PDE6B: variants seen among roughly 807,000 people sequenced by gnomAD.
PDE6B encodes the protein rod cGMP-specific 3',5'-cyclic phosphodiesterase subunit beta.
Under a neutral mutation model 109.0 loss-of-function variants are expected in PDE6B, and 106 were observed. That is an observed-to-expected ratio of 0.97 (90% CI 0.83 to 1.14). The LOEUF (loss-of-function observed/expected upper bound fraction) is 1.14, where lower values mean the gene tolerates loss of function less well. Ranked by LOEUF, PDE6B falls within the 50% of genes most tolerant of loss-of-function variation. The probability of loss-of-function intolerance (pLI) is 0.00; values close to 1 mark genes in which losing one functional copy is unlikely to be tolerated. For synonymous variants in PDE6B, 490 were observed against 471.3 expected (o/e 1.04, Z -0.51); for missense variants, 1,193 against 1,155.6 (o/e 1.03, Z -0.47).
intron 1 of PDE6B, among the ~76,000 whole-genome samples, chr4:631,099 C>G (rs1244409423): frequency 6.6e-6 from 1 of 152,190 alleles, no homozygotes; most frequent in Non-Finnish European, 1.5e-5. Flanking sequence ...TTTACAGAGT[C>G]CTGAGTGCGC....
At chr4:670,024 C>T (rs2109297069) in intron 21 of PDE6B, 22 bp from the exon 22 acceptor site, 1 of 1,607,834 alleles carries the variant, frequency 6.2e-7, no homozygotes, top group African/African-American at 1.3e-5. Flanking sequence ...TTCCACTCAC[C>T]ATCTTCTGTC....
Position 659,592 on chromosome 4 carries a change from GGTAT to G in PDE6B, c.1467+578_1467+581del, listed in dbSNP as rs775890110. On this transcript the variant is annotated intron_variant, in intron 11 of 21. Transcript: ENST00000496514. ...ATGTGGGTGTGTGTGTGCACATGTG[GGTAT>G]GTGTGTGCGTGTGTGCATTGTATGA... 4.7e-5 allele frequency among the ~76,000 whole-genome samples: 7 copies of G among 149,524 alleles called. No individual in the cohort carries two copies. The Middle Eastern group carries it at 0.01, about 218-fold the overall frequency.
intron 3 of PDE6B, among the ~76,000 whole-genome samples, chr4:645,290 A>AT (rs530937075): frequency 0.033 from 3,872 of 117,610 alleles, 146 homozygotes; most frequent in Admixed American, 0.085. Flanking sequence ...GGCTAGTCAC[A>AT]TTTTTTTTTT....
At chr4:641,299 T>C (rs1734932170) in intron 3 of PDE6B, among the ~76,000 whole-genome samples, 1 of 152,262 alleles carries the variant, frequency 6.6e-6, no homozygotes, top group Non-Finnish European at 1.5e-5. Context: ...ATGTAAGAGA[T>C]ATTGGGTTCT....
intron 1 of PDE6B, among the ~76,000 whole-genome samples, chr4:632,953 G>A (rs1472412929): frequency 2.6e-5 from 4 of 152,186 alleles, no homozygotes; most frequent in African/African-American, 9.7e-5. Flanking sequence ...GGCAAGGGAT[G>A]GGTAAAAGGA....
At chr4:655,847 T>A (rs1184183202) in intron 6 of PDE6B, 93 bp from the exon 7 acceptor site, 2 of 814,024 alleles carry the variant, frequency 2.5e-6, no homozygotes, top group East Asian at 2.4e-5. Flanking sequence ...CCAGCCCCTC[T>A]CACCCCTGCA....
At chr4:652,386 G>A (rs1348504819) in intron 3 of PDE6B, 2 of 394,898 alleles carry the variant, frequency 5.1e-6, no homozygotes, top group Non-Finnish European at 6.9e-6. Flanking sequence ...CATGGAAACA[G>A]AGAGTGGAAA....
chr4:634,870 C>T (rs1734571215), intron 2 of PDE6B, 41 bp downstream of exon 2: 2 of 1,550,384 alleles, frequency 1.3e-6, no homozygotes, highest in Non-Finnish European at 1.8e-6. Flanking sequence ...CGTCTGCCTC[C>T]CTGCCTGCCT....
chr4:637,357 A>C (rs1456778560), intron 3 of PDE6B, among the ~76,000 whole-genome samples: 1 of 151,922 alleles, frequency 6.6e-6, no homozygotes, highest in Non-Finnish European at 1.5e-5. Context: ...AGTAGCTGGG[A>C]TCACAGACAT....
intron 1 of PDE6B, among the ~76,000 whole-genome samples, chr4:632,308 A>C (rs1734425400): frequency 7.0e-6 from 1 of 142,524 alleles, no homozygotes; most frequent in Admixed American, 7.0e-5. Context: ...GGCACCATCT[A>C]AGGGTCATCT....
At position 654,821 on chromosome 4, in the gene PDE6B, C is replaced by T; in HGVS notation, c.928-3C>T. On this transcript the variant is annotated splice_polypyrimidine_tract_variant and splice_region_variant and intron_variant, in intron 5 of 21. Transcript: ENST00000496514. ...CCCCCGACCAGTGTCTTCTGCTTCT[C>T]AGGAAATTGTCTTCTACAAAGTGAT... The T allele has an allele frequency of 6.6e-7, 1 of 1,519,824 alleles. No homozygotes were observed. The highest frequency in any genetic ancestry group is 9.1e-7 in the Non-Finnish European group (1 of 1,093,892). The allele number at this position is 1,519,824 out of a possible 1,614,324, so 94.1% of individuals were successfully genotyped here. A position where few individuals can be genotyped will look rare whatever the true frequency, so the allele number is the denominator to read the frequency against.
chr4:641,356 G>A (rs967924432), intron 3 of PDE6B, among the ~76,000 whole-genome samples: 2 of 152,186 alleles, frequency 1.3e-5, no homozygotes, highest in Non-Finnish European at 2.9e-5. Context: ...GCAAAGCAAT[G>A]GACCTTTGTA....
rs556145117 is a variant in PDE6B, at chr4:663,691, G to A, written c.1921-79G>A. On this transcript the variant is annotated intron_variant, in intron 15 of 21. Coordinates refer to ENST00000496514, the MANE Select transcript of PDE6B (RefSeq NM_000283.4). This position sits in a 1 kb window ranked among gnomAD's most constrained non-coding sequence, Gnocchi z 4.0. ...GGGGGCGTGAGAGGCACAGGCAGCCGAGGCGGAAGGGGCGGGGTCCCCGGG... is the reference window on the plus strand; with the variant it reads ...GGGGGCGTGAGAGGCACAGGCAGCCAAGGCGGAAGGGGCGGGGTCCCCGGG... 1.2e-4 allele frequency: 127 copies of A among 1,044,692 alleles called. No homozygotes were observed. The South Asian group carries it at 1.3e-3, about 11-fold the overall frequency. 64.7% of individuals were successfully genotyped at this position (1,044,692 alleles called of 1,614,324 possible).
intron 21 of PDE6B, among the ~76,000 whole-genome samples, chr4:669,476 C>G (rs539819993): frequency 7.7e-6 from 1 of 129,598 alleles, no homozygotes; most frequent in East Asian, 2.2e-4. Flanking sequence ...ATTCCCACTA[C>G]GCCATGCTAT....
chr4:653,266 G>C, intron 3 of PDE6B: 2 of 1,019,686 alleles, frequency 2.0e-6, no homozygotes, highest in Non-Finnish European at 2.4e-6. Flanking sequence ...GTGGGGCCTG[G>C]GTCTGGGCCT....
chr4:625,876 T>G lies in PDE6B; in HGVS notation c.250T>G (p.Cys84Gly). ...RVVFKVLRRL[C>G]TLLQADRCSL... ...GGTCTTCAAGGTCCTGCGGCGCCTC[T>G]GCACCCTCCTGCAGGCCGACCGCTG... The change falls in exon 1 of 22, where the codon TGC becomes GGC. Residue 84 changes from cysteine to glycine, a missense_variant. Coordinates refer to ENST00000496514, the MANE Select transcript of PDE6B (RefSeq NM_000283.4). The surrounding 1 kb of genome is among the most constrained non-coding windows in gnomAD (Gnocchi z 5.0). The G allele has an allele frequency of 6.2e-7, 1 of 1,607,378 alleles. No homozygotes were observed. The highest frequency in any genetic ancestry group is 8.5e-7 in the Non-Finnish European group (1 of 1,177,584).
intron 3 of PDE6B, chr4:651,891 A>G (rs67030464): frequency 0.2 from 27,713 of 139,488 alleles, 2,844 homozygotes; most frequent in African/African-American, 0.28. Flanking sequence ...GCTCCTGACC[A>G]GTGCAGGGAC....
At chr4:652,570 T>A in intron 3 of PDE6B, 1 of 789,756 alleles carries the variant, frequency 1.3e-6, no homozygotes, top group Non-Finnish European at 1.5e-6. Context: ...GCAGTTCTGC[T>A]TCCGAGGATT....
At chr4:635,412 G>C (rs1482122146) in intron 2 of PDE6B, among the ~76,000 whole-genome samples, 1 of 115,036 alleles carries the variant, frequency 8.7e-6, no homozygotes, top group Non-Finnish European at 1.7e-5. Flanking sequence ...CGTGTGTTCT[G>C]TGCTGTGCGT....
Sources: gnomAD v4.1 joint callset for allele counts (sites outside exome capture counted in the v4.1 genomes callset) on GRCh38, gnomAD v4.1.1 for gene constraint, Gnocchi (gnomAD v3.1) non-coding constraint, MANE v1.5 for transcripts, NCBI Gene and HGNC (gene_info 2026-07-23, HGNC 2026-07-21) for gene names.